STYXL1: variants seen among roughly 807,000 people sequenced by gnomAD.
STYXL1 encodes serine/threonine/tyrosine-interacting-like protein 1.
In STYXL1, 32 loss-of-function variants were observed where a neutral mutation model predicts 36.4. The ratio of observed to expected loss-of-function variants is 0.88; its 90% confidence interval spans 0.66 to 1.18. The LOEUF (loss-of-function observed/expected upper bound fraction) is 1.18, where lower values mean the gene tolerates loss of function less well. Ranked by LOEUF, STYXL1 falls within the 50% of genes most tolerant of loss-of-function variation. The pLI, the probability that STYXL1 is intolerant of heterozygous loss-of-function variation, is 0.00. For synonymous variants in STYXL1, 133 were observed against 144.1 expected (o/e 0.92, Z 0.55); for missense variants, 354 against 394.1 (o/e 0.90, Z 0.86).
intron 1 of STYXL1, among the ~76,000 whole-genome samples, chr7:76,047,161 T>C (rs572519792): frequency 6.6e-6 from 1 of 152,004 alleles, no homozygotes; most frequent in African/African-American, 2.4e-5. Context: ...CTCAGGAGAA[T>C]GAGGCAGGAG....
intron 5 of STYXL1, among the ~76,000 whole-genome samples, chr7:76,008,307 C>T (rs782756137): frequency 3.3e-5 from 5 of 151,438 alleles, no homozygotes; most frequent in Non-Finnish European, 5.9e-5. Context: ...TGATTAGAGA[C>T]CACTTTCTCC....
chr7:76,001,787 G>A (rs995124802), intron 7 of STYXL1, among the ~76,000 whole-genome samples: 11 of 134,542 alleles, frequency 8.2e-5, no homozygotes, highest in Non-Finnish European at 1.2e-4. Flanking sequence ...GAGCCACTGC[G>A]CCTGATTTTT....
chr7:75,996,454 G>C lies in STYXL1; in HGVS notation c.*14C>G. On this transcript the variant is annotated 3_prime_UTR_variant, in exon 9 of 9. Transcript: ENST00000359697. ...TGAGGCTCTTCAGTACCCTTCGGTG[G>C]GCCTCGGAGAAGATCAGTAGAGCGG... The C allele has an allele frequency of 1.2e-6, 2 of 1,614,158 alleles. No homozygotes were observed. Among genetic ancestry groups the C allele is most frequent in the Non-Finnish European group, 1.7e-6 (2 of 1,180,018 alleles).
chr7:75,996,351 C>A lies in STYXL1; in HGVS notation c.*117G>T. ...GTACAGGAGGCTAACATGAGACTTT[C>A]AGGCAGCAAAGGCCTTCTCCTTCCA... On this transcript the variant is annotated 3_prime_UTR_variant, in exon 9 of 9. Coordinates refer to ENST00000359697, the MANE Select transcript of STYXL1 (RefSeq NM_001317785.2). The A allele has an allele frequency of 6.3e-7, 1 of 1,591,894 alleles. No individual in the cohort carries two copies.
chr7:76,000,779 TG>T, intron 8 of STYXL1, 110 bp downstream of exon 8: 1 of 812,148 alleles, frequency 1.2e-6, no homozygotes, highest in Non-Finnish European at 2.1e-6. Context: ...TGGAGTTATC[TG>T]GGATTCTTCC....
rs782611416 is a variant in STYXL1, at chr7:76,021,885, A to G, written c.273T>C (p.Asp91=). 17 of 1,613,604 alleles carry G rather than the reference A, an allele frequency of 1.1e-5. No individual in the cohort carries two copies. The Admixed American group carries it at 2.8e-4, about 27-fold the overall frequency. ...SSTLEILLKD[D]DDDSDSDGDG... ...CACCATCAGAGTCTGAATCATCATCATCATCTTTTAAGAGTATCTCCAGGG... is the reference window on the plus strand; with the variant it reads ...CACCATCAGAGTCTGAATCATCATCGTCATCTTTTAAGAGTATCTCCAGGG... The change falls in exon 4 of 9, where the codon GAT becomes GAC. Residue 91 remains aspartate, a synonymous_variant. Coordinates refer to ENST00000359697, the MANE Select transcript of STYXL1 (RefSeq NM_001317785.2).
Position 76,021,583 on chromosome 7 carries a change from T to A in STYXL1, c.307+268A>T, listed in dbSNP as rs563850250. 8.5e-5 allele frequency among the ~76,000 whole-genome samples: 13 copies of A among 152,106 alleles called. 1 individual carries two copies. The South Asian group carries it at 2.7e-3, about 32-fold the overall frequency. On this transcript the variant is annotated intron_variant, in intron 4 of 8. Transcript: ENST00000359697. The stretch of plus-strand genomic sequence containing the variant: ...ATTTCATCCCCCTTTCCTCAACCAA[T>A]CAATGACCCCAACTTTCCAGTCCCT...
At chr7:76,038,484 G>A (rs1403749025) in intron 1 of STYXL1, among the ~76,000 whole-genome samples, 1 of 128,096 alleles carries the variant, frequency 7.8e-6, no homozygotes, top group Non-Finnish European at 1.8e-5. Flanking sequence ...GGAGTGCAGT[G>A]GCACGATCTC....
chr7:76,038,842 A>G (rs1390769461), intron 1 of STYXL1, among the ~76,000 whole-genome samples: 1 of 149,288 alleles, frequency 6.7e-6, no homozygotes, highest in Admixed American at 6.6e-5. Flanking sequence ...GCTGGAGTGC[A>G]GTGGCGCGAT....
intron 1 of STYXL1, among the ~76,000 whole-genome samples, chr7:76,046,461 C>T (rs1336142144): frequency 1.3e-5 from 2 of 152,052 alleles, no homozygotes; most frequent in African/African-American, 4.8e-5. Flanking sequence ...ATTCTCCTGC[C>T]TCAGCCTCCT....
intron 4 of STYXL1, among the ~76,000 whole-genome samples, chr7:76,014,397 G>GC (rs1792993821): frequency 1.3e-5 from 2 of 151,600 alleles, no homozygotes; most frequent in Admixed American, 1.3e-4. Context: ...ACTCCATCTG[G>GC]CTGGAGTGCA....
At chr7:76,025,639 A>G (rs1554577468) in intron 3 of STYXL1, among the ~76,000 whole-genome samples, 1 of 151,872 alleles carries the variant, frequency 6.6e-6, no homozygotes, top group East Asian at 1.9e-4. Context: ...AAAATATAAA[A>G]ATTAGCCAGG....
intron 3 of STYXL1, among the ~76,000 whole-genome samples, chr7:76,022,226 G>A (rs920500536): frequency 6.6e-6 from 1 of 152,234 alleles, no homozygotes; most frequent in Non-Finnish European, 1.5e-5. Context: ...CTGGACCAGA[G>A]AGAAGTGCCT....
intron 5 of STYXL1, among the ~76,000 whole-genome samples, chr7:76,009,115 T>G (rs947534005): frequency 6.6e-6 from 1 of 152,188 alleles, no homozygotes; most frequent in Non-Finnish European, 1.5e-5. Context: ...TTGTGTGGGT[T>G]TGGCTGGGAA....
intron 5 of STYXL1, among the ~76,000 whole-genome samples, chr7:76,013,149 AC>A (rs1245881925): frequency 6.6e-6 from 1 of 151,744 alleles, no homozygotes; most frequent in Non-Finnish European, 1.5e-5. Flanking sequence ...ACAGGGTGAA[AC>A]CCTGTCTCTA....
chr7:76,027,052 G>C (rs541066196), intron 3 of STYXL1, among the ~76,000 whole-genome samples: 36 of 151,608 alleles, frequency 2.4e-4, no homozygotes, highest in Admixed American at 9.9e-4. Flanking sequence ...GACAGGGAGA[G>C]ATTCTGTCTC....
chr7:76,035,050 C>T (rs2116395496), intron 1 of STYXL1, among the ~76,000 whole-genome samples: 1 of 131,506 alleles, frequency 7.6e-6, no homozygotes, highest in African/African-American at 2.6e-5. Flanking sequence ...TTAGCCTTCT[C>T]AGTCTCAATC....
Position 76,047,835 on chromosome 7 carries a change from C to A in STYXL1, c.-178G>T. 2.6e-6 allele frequency: 3 copies of A among 1,149,742 alleles called. No individual in the cohort carries two copies. The highest frequency in any genetic ancestry group is 3.4e-6 in the Non-Finnish European group (3 of 886,088). The allele number at this position is 1,149,742 out of a possible 1,614,324, so 71.2% of individuals were successfully genotyped here. On this transcript the variant is annotated 5_prime_UTR_variant, in exon 1 of 9. Transcript: ENST00000359697. ...ACCTGGAAAAATGGCTCCTCTAAGG[C>A]GCTTCCAGCCTAAAGCCCGTCCTCT...
chr7:76,019,713 A>C (rs569621995), intron 4 of STYXL1, among the ~76,000 whole-genome samples: 14 of 152,172 alleles, frequency 9.2e-5, no homozygotes, highest in African/African-American at 2.9e-4. Context: ...ATTGACAGGA[A>C]GAATCTGGAA....
Sources: allele counts gnomAD v4.1 joint callset (sites outside exome capture counted in the v4.1 genomes callset), GRCh38; gene constraint gnomAD v4.1.1; transcripts MANE v1.5; gene names NCBI Gene and HGNC (gene_info 2026-07-23, HGNC 2026-07-21).